The following NLGN1 variants were observed in gnomAD, a reference collection of about 807,000 sequenced individuals.
NLGN1 encodes the protein neuroligin-1.
Under a neutral mutation model 65.5 loss-of-function variants are expected in NLGN1, and 12 were observed. The ratio of observed to expected loss-of-function variants is 0.18; its 90% confidence interval spans 0.12 to 0.30. NLGN1 has a LOEUF of 0.30. Among genes scored for constraint, NLGN1 ranks in the 10% least tolerant of loss-of-function variants. The probability of loss-of-function intolerance (pLI) is 1.00; values close to 1 mark genes in which losing one functional copy is unlikely to be tolerated. For missense variants in NLGN1, 750 were observed against 1,007.1 expected (o/e 0.74, Z 3.46); for synonymous variants, 350 against 359.5 (o/e 0.97, Z 0.30).
intron 3 of NLGN1, among the ~76,000 whole-genome samples, chr3:173,805,313 T>C (rs1020837653): frequency 6.6e-6 from 1 of 152,174 alleles, no homozygotes; most frequent in African/African-American, 2.4e-5. Context: ...TAGAGAACTT[T>C]ATGGAAAAGA....
intron 4 of NLGN1, among the ~76,000 whole-genome samples, chr3:174,004,103 G>A (rs1723875494): frequency 6.6e-6 from 1 of 152,016 alleles, no homozygotes; most frequent in Non-Finnish European, 1.5e-5. Context: ...GAATTGAATC[G>A]AGCATCAGAT....
intron 4 of NLGN1, chr3:173,920,538 C>T (rs1247085809): frequency 1.3e-5 from 2 of 152,146 alleles, no homozygotes; most frequent in Non-Finnish European, 2.9e-5. Flanking sequence ...GCTAGTTCGG[C>T]TATTTTCATC....
chr3:173,792,180 AG>A (rs1419178275), intron 3 of NLGN1, among the ~76,000 whole-genome samples: 1 of 152,148 alleles, frequency 6.6e-6, no homozygotes, highest in Admixed American at 6.6e-5. Flanking sequence ...GTGTGAGACC[AG>A]AAACTGTTAA....
At chr3:173,701,997 T>G (rs1223626334) in intron 3 of NLGN1, among the ~76,000 whole-genome samples, 1 of 152,132 alleles carries the variant, frequency 6.6e-6, no homozygotes, top group African/African-American at 2.4e-5. Context: ...CCCAGCACTT[T>G]GGGAGGCCGA....
chr3:173,795,717 T>C (rs914526140), intron 3 of NLGN1, among the ~76,000 whole-genome samples: 36 of 152,246 alleles, frequency 2.4e-4, no homozygotes, highest in Non-Finnish European at 5.9e-5. Context: ...GGCATTGTTC[T>C]CCGGAATACA....
intron 1 of NLGN1, among the ~76,000 whole-genome samples, chr3:173,421,930 A>G (rs1715133903): frequency 6.6e-6 from 1 of 152,100 alleles, no homozygotes; most frequent in Non-Finnish European, 1.5e-5. Flanking sequence ...TTTTTAATTG[A>G]TACATAACGA....
chr3:173,700,279 T>A lies in NLGN1; in HGVS notation c.493+95188T>A, dbSNP rs1186031811. On this transcript the variant is annotated intron_variant, in intron 3 of 6. Coordinates refer to ENST00000457714, the Ensembl canonical transcript of NLGN1. ...TATACCATTCTGTTTCTTGGAAAAA[T>A]ATAAGATAATTTTGAAAGCAATCAA... Among the ~76,000 whole-genome samples the A allele has an allele frequency of 3.3e-5, 5 of 152,288 alleles. No homozygotes were observed. The East Asian group carries it at 9.7e-4, about 29-fold the overall frequency.
chr3:173,794,751 A>G (rs1713643815), intron 3 of NLGN1, among the ~76,000 whole-genome samples: 1 of 152,148 alleles, frequency 6.6e-6, no homozygotes, highest in Admixed American at 6.6e-5. Context: ...GGGTTAGTCT[A>G]TTTAATTTAC....
intron 4 of NLGN1, among the ~76,000 whole-genome samples, chr3:173,911,870 A>C (rs1739671894): frequency 6.6e-6 from 1 of 152,170 alleles, no homozygotes; most frequent in Non-Finnish European, 1.5e-5. Context: ...AAGACCCCTT[A>C]TTTATTCACA....
chr3:173,669,457 C>T (rs1334653103), intron 3 of NLGN1, among the ~76,000 whole-genome samples: 1 of 152,132 alleles, frequency 6.6e-6, no homozygotes, highest in African/African-American at 2.4e-5. Flanking sequence ...TAGTTTGTGG[C>T]AGCAAAACTC....
In NLGN1 at chr3:173,604,791, AT is replaced by A; in HGVS notation, c.195del (p.Lys66ArgfsTer91). 3 of 1,613,716 alleles carry A rather than the reference AT, an allele frequency of 1.9e-6. No homozygotes were observed. The highest frequency in any genetic ancestry group is 2.5e-6 in the Non-Finnish European group (3 of 1,179,774). Reference sequence around the variant, plus strand: ...TACCAACTTTGGAAAGATAAGAGGGATTAAGAAGGAACTCAATAATGAAATT... The same window carrying A: ...TACCAACTTTGGAAAGATAAGAGGGATAAGAAGGAACTCAATAATGAAATT... On this transcript the variant is annotated frameshift_variant, in exon 3 of 7. Transcript: ENST00000457714. LOFTEE classifies it high-confidence loss of function.
rs139415086 is a variant in NLGN1, at chr3:173,947,767, T to C, written c.646+139935T>C. ...TTTAAGAATAGGTTTTTAAGTAGTA[T>C]AATTATTATTGAACTATCAAATGCC... is the stretch of plus-strand genomic sequence containing the variant. On this transcript the variant is annotated intron_variant, in intron 4 of 6. Coordinates refer to ENST00000457714, the Ensembl canonical transcript of NLGN1. Among the ~76,000 whole-genome samples, 238 of 152,326 alleles carry C rather than the reference T, an allele frequency of 1.6e-3. 3 individuals are homozygous for C. The East Asian group carries it at 0.033, about 21-fold the overall frequency.
chr3:173,468,112 C>T (rs1724680212), intron 2 of NLGN1, among the ~76,000 whole-genome samples: 1 of 152,078 alleles, frequency 6.6e-6, no homozygotes, highest in Admixed American at 6.6e-5. Flanking sequence ...GCTGGAAGCA[C>T]TTTAAGAGCC....
chr3:173,449,765 A>C (rs1487099246), intron 2 of NLGN1, among the ~76,000 whole-genome samples: 2 of 152,190 alleles, frequency 1.3e-5, no homozygotes, highest in Admixed American at 1.3e-4. Context: ...GTGCGTATAT[A>C]TTTAGGAGAG....
chr3:174,211,764 C>G (rs1414609209), intron 4 of NLGN1, among the ~76,000 whole-genome samples: 1 of 151,434 alleles, frequency 6.6e-6, no homozygotes, highest in African/African-American at 2.4e-5. Context: ...AAGGCCCCAC[C>G]AGAGCAGCTA....
chr3:174,112,570 C>G (rs1462982113), intron 4 of NLGN1, among the ~76,000 whole-genome samples: 2 of 151,878 alleles, frequency 1.3e-5, no homozygotes, highest in African/African-American at 4.8e-5. Flanking sequence ...TCAATAGATC[C>G]ATGACACAGA....
intron 3 of NLGN1, among the ~76,000 whole-genome samples, chr3:173,775,084 A>C (rs1006662323): frequency 1.3e-5 from 2 of 152,094 alleles, no homozygotes; most frequent in Non-Finnish European, 2.9e-5. Context: ...TTATTTCTTA[A>C]ATTTCTAGTT....
At chr3:174,114,805 G>A (rs908870863) in intron 4 of NLGN1, among the ~76,000 whole-genome samples, 12 of 151,906 alleles carry the variant, frequency 7.9e-5, no homozygotes, top group Non-Finnish European at 8.8e-5. Context: ...ACCCCAATTC[G>A]AAGGTTCCTA....
intron 4 of NLGN1, among the ~76,000 whole-genome samples, chr3:174,220,941 TAG>T (rs1441792622): frequency 1.3e-5 from 2 of 152,152 alleles, no homozygotes; most frequent in African/African-American, 2.4e-5. Flanking sequence ...TTCCATTACA[TAG>T]AGTCATTCAT....
Sources: gnomAD v4.1 joint callset for allele counts (sites outside exome capture counted in the v4.1 genomes callset) on GRCh38, gnomAD v4.1.1 for gene constraint, MANE v1.5 for transcripts, NCBI Gene and HGNC (gene_info 2026-07-23, HGNC 2026-07-21) for gene names.